The following MERTK variants were observed in gnomAD, a reference collection of about 807,000 sequenced individuals.
MERTK encodes the protein tyrosine-protein kinase Mer.
In MERTK, 69 loss-of-function variants were observed where a neutral mutation model predicts 99.3. The observed-to-expected ratio is 0.70, with a 90% CI of 0.57 to 0.85. MERTK has a LOEUF of 0.85. Among genes scored for constraint, MERTK ranks in the 40% least tolerant of loss-of-function variants. The pLI is 0.00. For missense variants in MERTK, 1,125 were observed against 1,249.4 expected (o/e 0.90, Z 1.50); for synonymous variants, 426 against 467.6 (o/e 0.91, Z 1.15).
chr2:111,926,466 C>T lies in MERTK; in HGVS notation c.62-2654C>T, dbSNP rs1445487719. Among the ~76,000 whole-genome samples the T allele has an allele frequency of 4.6e-5, 7 of 152,208 alleles. No homozygotes were observed. In the Middle Eastern group the frequency reaches 0.01, roughly 223 times the overall value. ...ATAAAGGGCCAAGTGTGGTGGCTCA[C>T]GCCTGTAATCCCAGCACTTTGGGAG... On this transcript the variant is annotated intron_variant, in intron 1 of 18. Coordinates refer to ENST00000295408, the MANE Select transcript of MERTK (RefSeq NM_006343.3).
At chr2:112,021,004 G>A (rs1010402869) in intron 16 of MERTK, among the ~76,000 whole-genome samples, 1 of 150,462 alleles carries the variant, frequency 6.6e-6, no homozygotes, top group African/African-American at 2.5e-5. Context: ...GACCAGCCTG[G>A]CCAACATGGT....
At chr2:111,990,147 G>C (rs1018034747) in intron 8 of MERTK, among the ~76,000 whole-genome samples, 9 of 151,964 alleles carry the variant, frequency 5.9e-5, no homozygotes, top group Non-Finnish European at 1.0e-4. Flanking sequence ...AAATACTTGG[G>C]GATATGAATT....
At chr2:111,923,712 A>G (rs936375896) in intron 1 of MERTK, among the ~76,000 whole-genome samples, 1 of 152,138 alleles carries the variant, frequency 6.6e-6, no homozygotes, top group Non-Finnish European at 1.5e-5. Flanking sequence ...AAAGGACCAC[A>G]TTTGCATTAA....
At chr2:111,997,197 C>T (rs1291351893) in intron 9 of MERTK, 126 bp from the exon 10 acceptor site, 1 of 1,120,456 alleles carries the variant, frequency 8.9e-7, no homozygotes, top group African/African-American at 1.5e-5. Context: ...TGAGACCTGC[C>T]TATATTTGTA....
chr2:111,999,734 A>G (rs186849050), intron 10 of MERTK, among the ~76,000 whole-genome samples: 3 of 152,338 alleles, frequency 2.0e-5, no homozygotes, highest in East Asian at 3.9e-4. Flanking sequence ...AGAGACCACC[A>G]ACAGGTTTTG....
At chr2:111,942,016 G>A (rs1242498799) in intron 2 of MERTK, among the ~76,000 whole-genome samples, 5 of 152,112 alleles carry the variant, frequency 3.3e-5, no homozygotes, top group African/African-American at 9.7e-5. Context: ...CTGCACCTCC[G>A]CTTTGTACCT....
intron 14 of MERTK, among the ~76,000 whole-genome samples, chr2:112,009,503 A>G (rs186213623): frequency 6.6e-6 from 1 of 152,336 alleles, no homozygotes; most frequent in East Asian, 1.9e-4. Context: ...ACGTGATTAA[A>G]TATCTATCAC....
rs199529187 is a variant in MERTK at position 112,014,021 on chromosome 2, A to T, written c.2079+3955A>T. On this transcript the variant is annotated intron_variant, in intron 15 of 18. Transcript: ENST00000295408. ...AGGCATGCGCTATCATGCCTGGCTTATTTTTTTTTTTTTTTTTTGAGACAG... is the reference window on the plus strand; with the variant it reads ...AGGCATGCGCTATCATGCCTGGCTTTTTTTTTTTTTTTTTTTTTGAGACAG... Among the ~76,000 whole-genome samples the T allele has an allele frequency of 5.5e-3, 696 of 126,804 alleles. 12 individuals carry two copies. Among genetic ancestry groups the T allele is most frequent in the East Asian group, 0.023 (101 of 4,362 alleles). The allele number at this position is 126,804 out of a possible 152,430, so 83.2% of individuals were successfully genotyped here.
intron 10 of MERTK, among the ~76,000 whole-genome samples, chr2:111,998,999 A>G (rs1327118338): frequency 1.3e-5 from 2 of 152,220 alleles, no homozygotes; most frequent in Non-Finnish European, 2.9e-5. Flanking sequence ...TATAAAAGTA[A>G]CATTATATTT....
At chr2:111,906,489 T>C (rs994865709) in intron 1 of MERTK, among the ~76,000 whole-genome samples, 30 of 152,352 alleles carry the variant, frequency 2.0e-4, no homozygotes, top group African/African-American at 7.2e-4. Flanking sequence ...TGGAGAATAT[T>C]AGAACAGAGA....
At chr2:111,954,643 A>C (rs1685116239) in intron 4 of MERTK, among the ~76,000 whole-genome samples, 1 of 152,212 alleles carries the variant, frequency 6.6e-6, no homozygotes, top group Non-Finnish European at 1.5e-5. Context: ...TGTATTTATA[A>C]AATTATTTTT....
rs144162028 is a variant in MERTK, at chr2:111,929,181, G to A, written c.123G>A (p.Gly41=). The A allele has an allele frequency of 1.2e-6, 2 of 1,614,120 alleles. No individual in the cohort carries two copies. The highest frequency in any genetic ancestry group is 1.1e-5 in the South Asian group (1 of 91,072). The change falls in exon 2 of 19, where the codon GGG becomes GGA. Residue 41 remains glycine, a synonymous_variant. Transcript: ENST00000295408. ...CGCTATTCCCGGGACCTTTTCCAGG[G>A]AGCCTGCAAACTGACCACACACCGC... ...PYPLFPGPFP[G]SLQTDHTPLL... is the part of the protein sequence containing the mutation.
intron 1 of MERTK, among the ~76,000 whole-genome samples, chr2:111,914,601 T>C (rs775499187): frequency 9.2e-5 from 14 of 151,854 alleles, no homozygotes; most frequent in Admixed American, 3.3e-4. Flanking sequence ...TCTTAGAGGG[T>C]TTTTTTTCCC....
At chr2:111,964,415 A>ATG (rs1223212283) in intron 4 of MERTK, among the ~76,000 whole-genome samples, 5 of 149,116 alleles carry the variant, frequency 3.4e-5, no homozygotes, top group East Asian at 2.0e-4. Flanking sequence ...GCGCACGCGC[A>ATG]TGTGTGTGTG....
intron 10 of MERTK, among the ~76,000 whole-genome samples, chr2:111,999,398 A>C (rs1429656847): frequency 1.3e-5 from 2 of 152,120 alleles, no homozygotes; most frequent in African/African-American, 4.8e-5. Context: ...TCCAGAACCC[A>C]AGTGATCCTC....
chr2:111,990,013 T>C (rs552947026), intron 8 of MERTK, among the ~76,000 whole-genome samples: 1 of 152,276 alleles, frequency 6.6e-6, no homozygotes, highest in East Asian at 1.9e-4. Flanking sequence ...CCACCTCATG[T>C]CAGAGAAATG....
intron 4 of MERTK, among the ~76,000 whole-genome samples, chr2:111,961,743 A>C (rs150869316): frequency 0.012 from 1,849 of 152,278 alleles, 19 homozygotes; most frequent in South Asian, 0.032. Flanking sequence ...ACCAGCACTG[A>C]TTTTCTTTTT....
At chr2:111,922,363 G>A (rs369283231) in intron 1 of MERTK, among the ~76,000 whole-genome samples, 15 of 152,218 alleles carry the variant, frequency 9.9e-5, no homozygotes, top group African/African-American at 3.4e-4. Flanking sequence ...AAGGCTGGTG[G>A]AGACCATCCC....
intron 1 of MERTK, among the ~76,000 whole-genome samples, chr2:111,920,391 C>T (rs905487597): frequency 6.6e-6 from 1 of 152,258 alleles, no homozygotes; most frequent in South Asian, 2.1e-4. Context: ...AGCCAGCCAC[C>T]CGCTTTCTCT....
Sources: gnomAD v4.1 joint callset for allele counts (sites outside exome capture counted in the v4.1 genomes callset) on GRCh38, gnomAD v4.1.1 for gene constraint, MANE v1.5 for transcripts, NCBI Gene and HGNC (gene_info 2026-07-23, HGNC 2026-07-21) for gene names.